Variants in GRID2 observed in about 807,000 individuals in gnomAD.
The protein encoded by GRID2 is glutamate ionotropic receptor delta type subunit 2, also known as glutamate receptor ionotropic, delta-2.
A neutral mutation model predicts 114.8 loss-of-function variants in GRID2; 33 were observed. The observed-to-expected ratio is 0.29, with a 90% confidence interval of 0.22 to 0.38. GRID2 has a LOEUF of 0.38. Among genes scored for constraint, GRID2 ranks in the 10% least tolerant of loss-of-function variants. The pLI is 1.00. For missense variants in GRID2, 1,184 were observed against 1,257.7 expected (o/e 0.94, Z 0.89); for synonymous variants, 505 against 449.9 (o/e 1.12, Z -1.55).
chr4:93,281,173 T>C (rs947527131), intron 8 of GRID2, among the ~76,000 whole-genome samples: 2 of 151,594 alleles, frequency 1.3e-5, no homozygotes, highest in Admixed American at 1.3e-4. Flanking sequence ...AGAGTCACAG[T>C]ATAACTAGAG....
At chr4:93,040,550 A>G (rs755973065) in intron 2 of GRID2, among the ~76,000 whole-genome samples, 1 of 152,136 alleles carries the variant, frequency 6.6e-6, no homozygotes, top group Non-Finnish European at 1.5e-5. Context: ...AGTAAGAACA[A>G]TTAGACCAGA....
chr4:93,475,421 T>C (rs571149667), intron 11 of GRID2, among the ~76,000 whole-genome samples: 2 of 152,242 alleles, frequency 1.3e-5, no homozygotes, highest in African/African-American at 4.8e-5. Context: ...CTCTATCAAA[T>C]TATAAATCTA....
chr4:92,512,982 T>C (rs1490410950), intron 1 of GRID2, among the ~76,000 whole-genome samples: 3 of 151,850 alleles, frequency 2.0e-5, no homozygotes, highest in Admixed American at 1.3e-4. Context: ...TTTGTGAATA[T>C]ATCATAAAAC....
At chr4:92,793,996 G>C (rs1739721817) in intron 2 of GRID2, among the ~76,000 whole-genome samples, 2 of 151,940 alleles carry the variant, frequency 1.3e-5, no homozygotes, top group Non-Finnish European at 2.9e-5. Flanking sequence ...TCACACATTA[G>C]AGTGTAGGGG....
At chr4:93,507,901 T>C (rs1467680080) in intron 12 of GRID2, among the ~76,000 whole-genome samples, 1 of 152,188 alleles carries the variant, frequency 6.6e-6, no homozygotes, top group Non-Finnish European at 1.5e-5. Flanking sequence ...CAATGAAGCT[T>C]GCCCAGCTGA....
rs1280757975 is a variant in GRID2 at position 92,304,311 on chromosome 4, C to G, written c.-346C>G. 1.2e-5 allele frequency: 3 copies of G among 259,746 alleles called. No individual in the cohort carries two copies. Among genetic ancestry groups the G allele is most frequent in the Non-Finnish European group, 2.2e-5 (3 of 136,790 alleles). 16.1% of individuals were successfully genotyped at this position (259,746 alleles called of 1,614,324 possible). On this transcript the variant is annotated 5_prime_UTR_variant, in exon 1 of 16. Coordinates refer to ENST00000282020, the MANE Select transcript of GRID2 (RefSeq NM_001510.4). ...GAGCTGGGACCGGAGACCCGCGGCC[C>G]CCGCGCAGCGATGGGTCTGATCTGA...
At chr4:93,775,730 CT>C (rs749823572), downstream of GRID2, among the ~76,000 whole-genome samples, 5 of 152,212 alleles carry the variant, frequency 3.3e-5, no homozygotes, top group African/African-American at 4.8e-5. Flanking sequence ...TCTGGTATCA[CT>C]GTACCACATC....
At chr4:93,758,662 A>T (rs1732960866) in intron 14 of GRID2, among the ~76,000 whole-genome samples, 1 of 152,190 alleles carries the variant, frequency 6.6e-6, no homozygotes, top group Non-Finnish European at 1.5e-5. Context: ...ACAACTCAGG[A>T]TCTCACTTAT....
chr4:92,554,178 G>A (rs1209222901), intron 1 of GRID2, among the ~76,000 whole-genome samples: 2 of 152,150 alleles, frequency 1.3e-5, no homozygotes, highest in Non-Finnish European at 2.9e-5. Context: ...TTGCAAAGGG[G>A]CAATTAGAAA....
At chr4:93,081,913 T>A (rs1205273388) in intron 2 of GRID2, among the ~76,000 whole-genome samples, 1 of 152,188 alleles carries the variant, frequency 6.6e-6, no homozygotes, top group Non-Finnish European at 1.5e-5. Flanking sequence ...TTGCTTCTGT[T>A]CTTACTGCAG....
At chr4:93,498,577 C>A (rs1226836552) in intron 12 of GRID2, among the ~76,000 whole-genome samples, 1 of 151,736 alleles carries the variant, frequency 6.6e-6, no homozygotes, top group East Asian at 1.9e-4. Context: ...TTGCTAAGCT[C>A]ATATCTTACT....
At chr4:92,939,085 T>C (rs1022761235) in intron 2 of GRID2, among the ~76,000 whole-genome samples, 2 of 147,160 alleles carry the variant, frequency 1.4e-5, no homozygotes, top group Non-Finnish European at 3.0e-5. Context: ...TACCCAGTAA[T>C]GGGATGGCTG....
intron 2 of GRID2, among the ~76,000 whole-genome samples, chr4:93,057,579 C>T (rs915638788): frequency 2.6e-5 from 4 of 151,680 alleles, no homozygotes; most frequent in Admixed American, 6.6e-5. Flanking sequence ...TCTACGTATG[C>T]GTTATTGATT....
intron 2 of GRID2, among the ~76,000 whole-genome samples, chr4:92,859,913 C>A (rs1744414884): frequency 6.6e-6 from 1 of 151,988 alleles, no homozygotes; most frequent in Non-Finnish European, 1.5e-5. Context: ...GGCTTCTGTC[C>A]AGTAGATGCC....
intron 1 of GRID2, among the ~76,000 whole-genome samples, chr4:92,320,121 G>A (rs1442547593): frequency 6.6e-6 from 1 of 152,130 alleles, no homozygotes; most frequent in Non-Finnish European, 1.5e-5. Context: ...ATGGAGTTCA[G>A]TTTTGAACTC....
At chr4:93,168,622 G>A (rs1053676623) in intron 4 of GRID2, among the ~76,000 whole-genome samples, 2 of 152,072 alleles carry the variant, frequency 1.3e-5, no homozygotes, top group Non-Finnish European at 2.9e-5. Context: ...AATTGGAGTT[G>A]ACTCTGTTTT....
At chr4:93,679,216 A>G (rs1725249390) in intron 14 of GRID2, among the ~76,000 whole-genome samples, 1 of 151,502 alleles carries the variant, frequency 6.6e-6, no homozygotes, top group South Asian at 2.1e-4. Flanking sequence ...TCAATTCAAC[A>G]GGAAGAGCTA....
chr4:92,757,113 A>G (rs1163336568), intron 2 of GRID2, among the ~76,000 whole-genome samples: 1 of 152,000 alleles, frequency 6.6e-6, no homozygotes, highest in Non-Finnish European at 1.5e-5. Flanking sequence ...AAGTCATTTT[A>G]GTGGATTATT....
intron 2 of GRID2, among the ~76,000 whole-genome samples, chr4:92,813,254 C>G (rs977177850): frequency 2.0e-5 from 3 of 152,114 alleles, no homozygotes; most frequent in South Asian, 2.1e-4. Flanking sequence ...ACATTTATGT[C>G]TAACAATTCT....
Sources: allele counts gnomAD v4.1 joint callset (sites outside exome capture counted in the v4.1 genomes callset), GRCh38; gene constraint gnomAD v4.1.1; transcripts MANE v1.5; gene names NCBI Gene and HGNC (gene_info 2026-07-23, HGNC 2026-07-21).